Variants in CHD5 observed in about 807,000 individuals in gnomAD.
CHD5 encodes the protein chromodomain helicase DNA binding protein 5, also known as ATP-dependent chromatin remodeler CHD5.
In CHD5, 69 loss-of-function variants were observed where a neutral mutation model predicts 230.3. The observed-to-expected ratio is 0.30, with a 90% CI of 0.25 to 0.37. The LOEUF is 0.37. Ranked by LOEUF, CHD5 falls within the 10% of genes least tolerant of loss-of-function variation. CHD5 has a pLI of 1.00. For synonymous variants in CHD5, 1,064 were observed against 1,065.9 expected (o/e 1.00, Z 0.03); for missense variants, 1,827 against 2,622.8 (o/e 0.70, Z 6.63).
chr1:6,154,908 G>T lies in CHD5; in HGVS notation c.507-10C>A. ...CTTGGCAATGAGTGGCCTGTAGGGG[G>T]AGAGGCAGGAGGGTGAGGGCAAGGC... On this transcript the variant is annotated splice_polypyrimidine_tract_variant and intron_variant, in intron 4 of 41. Transcript: ENST00000262450. The surrounding 1 kb of genome is among the most constrained non-coding windows in gnomAD (Gnocchi z 7.0). 6.2e-7 allele frequency: 1 copy of T among 1,611,040 alleles called. No individual in the cohort carries two copies. The highest frequency in any genetic ancestry group is 8.5e-7 in the Non-Finnish European group (1 of 1,178,282).
chr1:6,102,140 C>A lies in CHD5; in HGVS notation c.*3334G>T, dbSNP rs1478679911. ...ACCCCACGGGCCAGTGGGGACCCTC[C>A]CTTCCTCTCCAGGGGTGCTTGGGCT... On this transcript the variant is annotated 3_prime_UTR_variant, in exon 42 of 42. Coordinates refer to ENST00000262450, the MANE Select transcript of CHD5 (RefSeq NM_015557.3). The A allele has an allele frequency of 3.3e-6, 1 of 302,674 alleles. No homozygotes were observed. The highest frequency in any genetic ancestry group is 2.5e-5 in the South Asian group (1 of 40,328). The allele number at this position is 302,674 out of a possible 1,614,324, so 18.7% of individuals were successfully genotyped here. A position where few individuals can be genotyped will look rare whatever the true frequency, so the allele number is the denominator to read the frequency against.
chr1:6,113,226 C>G (rs1666321214), intron 33 of CHD5: 1 of 525,040 alleles, frequency 1.9e-6, no homozygotes, highest in South Asian at 2.1e-5. Context: ...GAGTTCAAGA[C>G]CAGCCTGGCA....
intron 25 of CHD5, among the ~76,000 whole-genome samples, chr1:6,127,682 G>A (rs558978523): frequency 1.3e-3 from 204 of 152,284 alleles, no homozygotes; most frequent in African/African-American, 4.5e-3. Context: ...CTGGACTGGA[G>A]CCGGGATGAC....
In CHD5 at chr1:6,142,701, C is replaced by G. The variant is rs564911801; in HGVS notation, c.2044-96G>C. 5.6e-6 allele frequency: 7 copies of G among 1,259,482 alleles called. 1 individual carries two copies. In the South Asian group the frequency reaches 1.0e-4, roughly 18 times the overall value. The allele number at this position is 1,259,482 out of a possible 1,614,324, so 78.0% of individuals were successfully genotyped here. On this transcript the variant is annotated intron_variant, in intron 13 of 41. Coordinates refer to ENST00000262450, the MANE Select transcript of CHD5 (RefSeq NM_015557.3). This position sits in a 1 kb window ranked among gnomAD's most constrained non-coding sequence, Gnocchi z 5.2. ...CACATGCAATTCCTTCTGCCTGGAA[C>G]ACTCTTCCCACTCCTGTCTGTCTTC...
At chr1:6,165,828 G>A (rs1264314944) in intron 2 of CHD5, among the ~76,000 whole-genome samples, 1 of 152,036 alleles carries the variant, frequency 6.6e-6, no homozygotes, top group African/African-American at 2.4e-5. Flanking sequence ...CTCCAGGCAC[G>A]CACTCCCCGC....
intron 1 of CHD5, among the ~76,000 whole-genome samples, chr1:6,172,855 C>A (rs1667360115): frequency 6.6e-6 from 1 of 152,168 alleles, no homozygotes; most frequent in African/African-American, 2.4e-5. Flanking sequence ...TGGGGAGGGG[C>A]AGCAGCAGAG....
intron 15 of CHD5, among the ~76,000 whole-genome samples, chr1:6,139,685 G>A (rs1476487972): frequency 6.6e-6 from 1 of 152,154 alleles, no homozygotes; most frequent in Non-Finnish European, 1.5e-5. Flanking sequence ...CAAGTAGCTA[G>A]GACTACAGGT....
rs1254866436 is a variant in CHD5, at chr1:6,173,067, T to C, written c.80-4790A>G. The stretch of plus-strand genomic sequence containing the variant: ...TGCCAAGGACAGGGACCCCACTCAA[T>C]GTCCACCACTCTCTCCAGGACCTGG... On this transcript the variant is annotated intron_variant, in intron 1 of 41. Coordinates refer to ENST00000262450, the MANE Select transcript of CHD5 (RefSeq NM_015557.3). 2.0e-5 allele frequency among the ~76,000 whole-genome samples: 3 copies of C among 150,896 alleles called. No homozygotes were observed. The East Asian group carries it at 5.9e-4, about 30-fold the overall frequency.
chr1:6,125,192 G>T lies in CHD5; in HGVS notation c.4302C>A (p.Asn1434Lys). The change falls in exon 29 of 42, where the codon AAC becomes AAA. Residue 1434 changes from asparagine (N) to lysine (K), a missense_variant. Transcript: ENST00000262450. This position sits in a 1 kb window ranked among gnomAD's most constrained non-coding sequence, Gnocchi z 6.7. ...FNARQRKAFL[N>K]AIMRWGMPPQ... Reference sequence around the variant, plus strand: ...GGGGCATGCCCCAGCGCATGATGGCGTTCAGAAAGGCCTTCCGCTGTCGGG... The same window carrying T: ...GGGGCATGCCCCAGCGCATGATGGCTTTCAGAAAGGCCTTCCGCTGTCGGG... 6.2e-7 allele frequency: 1 copy of T among 1,606,778 alleles called. No individual in the cohort carries two copies.
intron 2 of CHD5, among the ~76,000 whole-genome samples, chr1:6,162,846 T>C (rs1667199090): frequency 6.6e-6 from 1 of 152,138 alleles, no homozygotes; most frequent in South Asian, 2.1e-4. Flanking sequence ...GAGCAGGACC[T>C]GGACAAGAAG....
chr1:6,142,166 T>G lies in CHD5; in HGVS notation c.2398A>C (p.Asn800His). The G allele has an allele frequency of 6.2e-7, 1 of 1,614,168 alleles. No homozygotes were observed. The highest frequency in any genetic ancestry group is 8.5e-7 in the Non-Finnish European group (1 of 1,180,008). Reference protein sequence around the residue: ...IRENEFSFEDNAIRSGKKVFR... With the variant: ...IRENEFSFEDHAIRSGKKVFR... ...ACCTTCTTCCCACTCCGAATGGCGT[T>G]GTCCTCAAAGGAAAACTCGTTCTCC... The change falls in exon 15 of 42, where the codon AAC becomes CAC. Residue 800 changes from asparagine to histidine, a missense_variant. Asn to His is a moderately conservative substitution (Grantham distance 68). Coordinates refer to ENST00000262450, the MANE Select transcript of CHD5 (RefSeq NM_015557.3). The surrounding 1 kb of genome is among the most constrained non-coding windows in gnomAD (Gnocchi z 5.2).
Position 6,104,971 on chromosome 1 carries a change from T to A in CHD5, c.*503A>T, listed in dbSNP as rs2100824160. 4.9e-6 allele frequency: 1 copy of A among 204,982 alleles called. No homozygotes were observed. The highest frequency in any genetic ancestry group is 1.5e-4 in the East Asian group (1 of 6,608). 12.7% of individuals were successfully genotyped at this position (204,982 alleles called of 1,614,324 possible). ...AGGTCAGGTAGGGGACACTGAGGGCTCCTAGGGCACCGGGCGCCATGTCCT... is the reference window on the plus strand; with the variant it reads ...AGGTCAGGTAGGGGACACTGAGGGCACCTAGGGCACCGGGCGCCATGTCCT... On this transcript the variant is annotated 3_prime_UTR_variant, in exon 42 of 42. Coordinates refer to ENST00000262450, the MANE Select transcript of CHD5 (RefSeq NM_015557.3).
Position 6,170,097 on chromosome 1 carries a change from A to G in CHD5, c.80-1820T>C, listed in dbSNP as rs550132661. ...CCTTCCCCCGAGGAAGTTTTTGATC[A>G]TAACCACCTACAGCTGGCAGTGTTG... On this transcript the variant is annotated intron_variant, in intron 1 of 41. Coordinates refer to ENST00000262450, the MANE Select transcript of CHD5 (RefSeq NM_015557.3). Among the ~76,000 whole-genome samples the G allele has an allele frequency of 3.1e-3, 476 of 152,218 alleles. 3 individuals carry two copies. The highest frequency in any genetic ancestry group is 5.0e-3 in the Non-Finnish European group (343 of 67,980).
rs1205077790 is a variant in CHD5, at chr1:6,128,212, T to G, written c.3737A>C (p.Asn1246Thr). The part of the protein sequence containing the change: ...KKHGSTPPGD[N>T]KDVEDSSVIH... The stretch of plus-strand genomic sequence containing the variant: ...CACACTGCTGTCCTCCACGTCCTTG[T>G]TGTCACCTGGGGAGCAGGCAAATGC... The change falls in exon 25 of 42, where the codon AAC (asparagine) becomes ACC (threonine). Residue 1246 changes from asparagine to threonine, a missense_variant. Asn to Thr is a moderately conservative substitution (Grantham distance 65, BLOSUM62 0). This residue lies in a region of CHD5 where 137 missense variants were observed against 272.7 expected (regional missense o/e 0.50). Transcript: ENST00000262450. This position sits in a 1 kb window ranked among gnomAD's most constrained non-coding sequence, Gnocchi z 7.8. 1.2e-6 allele frequency: 2 copies of G among 1,613,906 alleles called. No individual in the cohort carries two copies. Among genetic ancestry groups the G allele is most frequent in the East Asian group, 4.5e-5 (2 of 44,882 alleles).
In CHD5 at chr1:6,127,899, G is replaced by A. The variant is rs980322019; in HGVS notation, c.3903+147C>T. 1.0e-4 allele frequency: 70 copies of A among 685,994 alleles called. 1 individual carries two copies. The highest frequency in any genetic ancestry group is 4.1e-4 in the Middle Eastern group (1 of 2,452). 42.5% of individuals were successfully genotyped at this position (685,994 alleles called of 1,614,324 possible). On this transcript the variant is annotated intron_variant, in intron 25 of 41. Coordinates refer to ENST00000262450, the MANE Select transcript of CHD5 (RefSeq NM_015557.3). Reference sequence around the variant, plus strand: ...GAGTGCGGGGCACAGCAGGGAGGGCGGGGCTGCGGCTGGAGGGCGGGGTCA... The same window carrying A: ...GAGTGCGGGGCACAGCAGGGAGGGCAGGGCTGCGGCTGGAGGGCGGGGTCA...
In CHD5 at chr1:6,134,436, G is replaced by C. The variant is rs1019201420; in HGVS notation, c.3013-177C>G. Among the ~76,000 whole-genome samples the C allele has an allele frequency of 6.6e-6, 1 of 152,190 alleles. No individual in the cohort carries two copies. Among genetic ancestry groups the C allele is most frequent in the African/African-American group, 2.4e-5 (1 of 41,456 alleles). On this transcript the variant is annotated intron_variant, in intron 19 of 41. Coordinates refer to ENST00000262450, the MANE Select transcript of CHD5 (RefSeq NM_015557.3). This position sits in a 1 kb window ranked among gnomAD's most constrained non-coding sequence, Gnocchi z 6.3. ...GGCCCCACAGTGCGGGGTAGACCGT[G>C]GGTCCCACGGCCCTGGCTCCAGGCC...
intron 2 of CHD5, among the ~76,000 whole-genome samples, chr1:6,159,985 G>C (rs1038788245): frequency 6.6e-6 from 1 of 152,190 alleles, no homozygotes; most frequent in African/African-American, 2.4e-5. Flanking sequence ...TGCACAGGAA[G>C]AGCCCCAGCC....
At chr1:6,178,526 G>T (rs1667460033) in intron 1 of CHD5, among the ~76,000 whole-genome samples, 1 of 151,486 alleles carries the variant, frequency 6.6e-6, no homozygotes, top group African/African-American at 2.4e-5. Flanking sequence ...ATTTTTTTTT[G>T]TGCCTGTGCG....
chr1:6,175,970 G>C (rs560344611), intron 1 of CHD5, among the ~76,000 whole-genome samples: 83 of 151,930 alleles, frequency 5.5e-4, no homozygotes, highest in African/African-American at 1.7e-3. Context: ...GGTTGGTTTT[G>C]TAGGTGGATG....
Sources: gnomAD v4.1 joint callset for allele counts (sites outside exome capture counted in the v4.1 genomes callset) on GRCh38, gnomAD v4.1.1 for gene constraint, gnomAD v4.1.1 regional missense constraint, Gnocchi (gnomAD v3.1) non-coding constraint, MANE v1.5 for transcripts, NCBI Gene and HGNC (gene_info 2026-07-23, HGNC 2026-07-21) for gene names.